HMBOX1: variants seen among roughly 807,000 people sequenced by gnomAD.
HMBOX1 encodes homeobox-containing protein 1.
HMBOX1 carries 14 observed loss-of-function variants against 54.5 expected under a neutral mutation model. The observed-to-expected ratio is 0.26, with a 90% CI of 0.17 to 0.40. The LOEUF (loss-of-function observed/expected upper bound fraction) is 0.40, where lower values mean the gene tolerates loss of function less well. Ranked by LOEUF, HMBOX1 falls within the 10% of genes least tolerant of loss-of-function variation. HMBOX1 has a pLI of 1.00. For synonymous variants in HMBOX1, 160 were observed against 181.0 expected, an observed-to-expected ratio of 0.88 and a Z score of 0.93; for missense variants, 332 against 514.4, an observed-to-expected ratio of 0.65 and a Z score of 3.43.
intron 1 of HMBOX1, among the ~76,000 whole-genome samples, chr8:28,940,536 A>G (rs1355089209): frequency 6.6e-6 from 1 of 152,190 alleles, no homozygotes; most frequent in Non-Finnish European, 1.5e-5. Context: ...AGAAATATGT[A>G]TGTTCTTTTT....
At chr8:28,901,612 C>T (rs1813247825) in intron 1 of HMBOX1, among the ~76,000 whole-genome samples, 1 of 152,188 alleles carries the variant, frequency 6.6e-6, no homozygotes, top group African/African-American at 2.4e-5. Flanking sequence ...CTACTCTATT[C>T]CATGGTGCAC....
intron 5 of HMBOX1, chr8:29,010,285 C>G (rs117311745): frequency 4.5e-6 from 2 of 447,662 alleles, no homozygotes; most frequent in African/African-American, 2.1e-5. Flanking sequence ...TTTGGCTGGG[C>G]GCAGTGGCTC....
intron 1 of HMBOX1, among the ~76,000 whole-genome samples, chr8:28,897,061 C>T (rs367984271): frequency 2.0e-5 from 3 of 151,398 alleles, no homozygotes; most frequent in Admixed American, 6.6e-5. Flanking sequence ...GTCATCTCAC[C>T]GCAACTTCTG....
At chr8:29,044,926 A>T (rs1017469033) in intron 6 of HMBOX1, among the ~76,000 whole-genome samples, 6 of 152,012 alleles carry the variant, frequency 3.9e-5, no homozygotes, top group Admixed American at 6.5e-5. Flanking sequence ...ATTAGACAAT[A>T]AAAAAAAGTC....
intron 1 of HMBOX1, among the ~76,000 whole-genome samples, chr8:28,939,270 C>T (rs1332904723): frequency 1.4e-5 from 2 of 140,366 alleles, no homozygotes; most frequent in South Asian, 4.5e-4. Context: ...GCCTGGGCAA[C>T]AAGAGCAAAA....
intron 1 of HMBOX1, among the ~76,000 whole-genome samples, chr8:28,895,797 G>C (rs994564524): frequency 6.6e-6 from 1 of 152,130 alleles, no homozygotes; most frequent in Admixed American, 6.5e-5. Flanking sequence ...GTGAAGTCAA[G>C]TTGGTTTCGT....
At chr8:28,913,939 C>T (rs755970900) in intron 1 of HMBOX1, among the ~76,000 whole-genome samples, 7 of 150,054 alleles carry the variant, frequency 4.7e-5, no homozygotes, top group African/African-American at 9.9e-5. Context: ...GGCACAATCT[C>T]GGCTCACTGC....
intron 3 of HMBOX1, among the ~76,000 whole-genome samples, chr8:28,979,085 A>G (rs1394050124): frequency 6.6e-6 from 1 of 152,244 alleles, no homozygotes; most frequent in South Asian, 2.1e-4. Flanking sequence ...GAATTAGCCC[A>G]TAGGCGGTAA....
At chr8:28,925,491 A>G (rs371241999) in intron 1 of HMBOX1, among the ~76,000 whole-genome samples, 6 of 152,024 alleles carry the variant, frequency 3.9e-5, no homozygotes, top group Non-Finnish European at 1.5e-5. Context: ...GCTCTCAGTT[A>G]TGTGGTGGTA....
chr8:29,013,494 G>GT (rs1199755365), intron 5 of HMBOX1, among the ~76,000 whole-genome samples: 1 of 152,024 alleles, frequency 6.6e-6, no homozygotes, highest in Non-Finnish European at 1.5e-5. Flanking sequence ...TTGGTTTTTT[G>GT]TAAGTTTCTC....
At chr8:29,032,935 C>G (rs1297305434) in intron 6 of HMBOX1, among the ~76,000 whole-genome samples, 1 of 151,556 alleles carries the variant, frequency 6.6e-6, no homozygotes, top group Non-Finnish European at 1.5e-5. Flanking sequence ...TAATAATAAT[C>G]AAAAGATTTA....
chr8:29,025,459 A>G (rs756260246), intron 6 of HMBOX1, among the ~76,000 whole-genome samples: 5 of 151,870 alleles, frequency 3.3e-5, no homozygotes, highest in Non-Finnish European at 5.9e-5. Context: ...TCAGCTTTCT[A>G]TAAAGTGGAG....
rs544046735 is a variant in HMBOX1, at chr8:29,043,628, C to T, written c.852-1733C>T. 2.0e-5 allele frequency among the ~76,000 whole-genome samples: 3 copies of T among 152,290 alleles called. No individual in the cohort carries two copies. In the East Asian group the frequency reaches 5.8e-4, roughly 29 times the overall value. On this transcript the variant is annotated intron_variant, in intron 6 of 9. Coordinates refer to ENST00000287701, the MANE Select transcript of HMBOX1 (RefSeq NM_001135726.3). ...CTCATCCAGTACATCTCAGAAGTTA[C>T]GACCTGTGCATTTAGGTCACCTGGA... is the stretch of plus-strand genomic sequence containing the variant.
At chr8:28,896,993 C>CT (rs1409990787) in intron 1 of HMBOX1, among the ~76,000 whole-genome samples, 8 of 69,152 alleles carry the variant, frequency 1.2e-4, no homozygotes, top group East Asian at 4.2e-4. Flanking sequence ...TTTTTTTTTT[C>CT]TTTTTTTTGA....
chr8:28,981,493 A>G (rs1324132957), intron 4 of HMBOX1, among the ~76,000 whole-genome samples: 1 of 152,220 alleles, frequency 6.6e-6, no homozygotes, highest in Non-Finnish European at 1.5e-5. Flanking sequence ...GACTTTGAAA[A>G]GATGAAATGT....
chr8:28,899,764 A>G (rs1178020325), intron 1 of HMBOX1, among the ~76,000 whole-genome samples: 1 of 152,192 alleles, frequency 6.6e-6, no homozygotes, highest in Non-Finnish European at 1.5e-5. Context: ...TTACCAAACC[A>G]GGGCCAAGAT....
intron 6 of HMBOX1, among the ~76,000 whole-genome samples, chr8:29,034,767 G>C (rs1199565969): frequency 6.6e-6 from 1 of 152,198 alleles, no homozygotes; most frequent in East Asian, 1.9e-4. Context: ...TGAGGCAGGA[G>C]AATCACTTGA....
At chr8:28,908,865 A>G (rs1814860420) in intron 1 of HMBOX1, among the ~76,000 whole-genome samples, 2 of 152,094 alleles carry the variant, frequency 1.3e-5, no homozygotes, top group South Asian at 4.1e-4. Context: ...AAGCTGATGC[A>G]GGAGGATTGC....
At position 28,913,268 on chromosome 8, in the gene HMBOX1, A is replaced by T. The variant is rs568984007; in HGVS notation, c.-58+22590A>T. 4.6e-5 allele frequency among the ~76,000 whole-genome samples: 7 copies of T among 152,118 alleles called. No individual in the cohort carries two copies. The South Asian group carries it at 1.5e-3, about 32-fold the overall frequency. ...CAAACTATTTAATATGCTTTGTAAG[A>T]CTCTCCAACATATTTGCACTCACTT... On this transcript the variant is annotated intron_variant, in intron 1 of 9. Transcript: ENST00000287701.
Sources: gnomAD v4.1 joint callset for allele counts (sites outside exome capture counted in the v4.1 genomes callset) on GRCh38, gnomAD v4.1.1 for gene constraint, MANE v1.5 for transcripts, NCBI Gene and HGNC (gene_info 2026-07-23, HGNC 2026-07-21) for gene names.